Variants in GTF2F2 observed in about 807,000 individuals in gnomAD.
GTF2F2 encodes ATP-dependent helicase GTF2F2.
In GTF2F2, 23 loss-of-function variants were observed where a neutral mutation model predicts 42.2. The ratio of observed to expected loss-of-function variants is 0.55; its 90% confidence interval spans 0.39 to 0.77. GTF2F2 has a LOEUF of 0.77. Ranked by LOEUF, GTF2F2 falls within the 30% of genes least tolerant of loss-of-function variation. The pLI is 0.00. For missense variants in GTF2F2, 261 were observed against 287.2 expected, an observed-to-expected ratio of 0.91 and a Z score of 0.66; for synonymous variants, 105 against 100.8, an observed-to-expected ratio of 1.04 and a Z score of -0.25.
intron 4 of GTF2F2, among the ~76,000 whole-genome samples, chr13:45,197,597 C>G (rs1182480645): frequency 6.6e-6 from 1 of 151,760 alleles, no homozygotes; most frequent in African/African-American, 2.4e-5. Flanking sequence ...GACTGTAGTT[C>G]ATGGAAATTA....
chr13:45,194,350 G>A lies in GTF2F2; in HGVS notation c.305-13074G>A, dbSNP rs539182975. On this transcript the variant is annotated intron_variant, in intron 4 of 7. Coordinates refer to ENST00000340473, the MANE Select transcript of GTF2F2 (RefSeq NM_004128.3). Reference sequence around the variant, plus strand: ...CCTGTCTATGAAATAATGACCATCAGCATCAAACGGGCAGAGGATTTTTCC... The same window carrying A: ...CCTGTCTATGAAATAATGACCATCAACATCAAACGGGCAGAGGATTTTTCC... The A allele has an allele frequency of 2.2e-5, 36 of 1,614,086 alleles. No homozygotes were observed. In the South Asian group the frequency reaches 3.7e-4, roughly 17 times the overall value.
intron 4 of GTF2F2, chr13:45,194,639 G>A (rs541301933): frequency 1.5e-6 from 2 of 1,347,538 alleles, no homozygotes; most frequent in Non-Finnish European, 2.1e-6. Flanking sequence ...TACCACACAA[G>A]CACGCCTTTA....
At position 45,267,387 on chromosome 13, in the gene GTF2F2, G is replaced by A. The variant is rs780965333; in HGVS notation, c.630+11G>A. On this transcript the variant is annotated intron_variant, in intron 7 of 7. Transcript: ENST00000340473. Reference sequence around the variant, plus strand: ...ACAAAGCAACCTGTGGTATGTATATGTTCATACTGATCCTTTGAATATGCC... The same window carrying A: ...ACAAAGCAACCTGTGGTATGTATATATTCATACTGATCCTTTGAATATGCC... 2.6e-6 allele frequency: 4 copies of A among 1,550,916 alleles called. No homozygotes were observed. Among genetic ancestry groups the A allele is most frequent in the South Asian group, 2.3e-5 (2 of 85,238 alleles).
chr13:45,275,873 G>A (rs950764749), intron 7 of GTF2F2, among the ~76,000 whole-genome samples: 21 of 152,068 alleles, frequency 1.4e-4, no homozygotes, highest in African/African-American at 4.3e-4. Context: ...TTGAGGAATC[G>A]CCACACTGTC....
At chr13:45,275,609 A>T (rs1045835741) in intron 7 of GTF2F2, among the ~76,000 whole-genome samples, 1 of 151,868 alleles carries the variant, frequency 6.6e-6, no homozygotes, top group African/African-American at 2.4e-5. Flanking sequence ...AGCTTCATCC[A>T]TGTCCCTACA....
chr13:45,208,452 G>C (rs1026167033), intron 5 of GTF2F2, among the ~76,000 whole-genome samples: 2 of 151,830 alleles, frequency 1.3e-5, no homozygotes, highest in Non-Finnish European at 2.9e-5. Flanking sequence ...TACTTTTTTT[G>C]TTCATTCATT....
At position 45,125,241 on chromosome 13, in the gene GTF2F2, A is replaced by T. The variant is rs1868917855; in HGVS notation, c.66+4520A>T. Among the ~76,000 whole-genome samples, 9 of 152,208 alleles carry T rather than the reference A, an allele frequency of 5.9e-5. No individual in the cohort carries two copies. In the South Asian group the frequency reaches 1.9e-3, roughly 31 times the overall value. Reference sequence around the variant, plus strand: ...ATCTTGCCTAAGCATGGAAATAGTGATTCAAATTTGTTAGGCTAAAAGCTT... The same window carrying T: ...ATCTTGCCTAAGCATGGAAATAGTGTTTCAAATTTGTTAGGCTAAAAGCTT... On this transcript the variant is annotated intron_variant, in intron 1 of 7. Coordinates refer to ENST00000340473, the MANE Select transcript of GTF2F2 (RefSeq NM_004128.3).
chr13:45,193,297 T>C (rs1437776561), intron 4 of GTF2F2: 2 of 152,734 alleles, frequency 1.3e-5, no homozygotes, highest in African/African-American at 2.4e-5. Context: ...ACTATAGCTC[T>C]GTTTTAGTTA....
At chr13:45,228,385 G>A (rs929407539) in intron 5 of GTF2F2, among the ~76,000 whole-genome samples, 2 of 145,774 alleles carry the variant, frequency 1.4e-5, no homozygotes, top group African/African-American at 2.6e-5. Flanking sequence ...CATTCCAGAA[G>A]CTCTTTCATT....
chr13:45,176,850 G>T (rs544566230), intron 4 of GTF2F2, among the ~76,000 whole-genome samples: 39 of 152,022 alleles, frequency 2.6e-4, no homozygotes, highest in African/African-American at 9.4e-4. Context: ...CAGTGGTGCA[G>T]TCTTGGCTCA....
chr13:45,123,112 C>G (rs71431322), intron 1 of GTF2F2: 12 of 152,042 alleles, frequency 7.9e-5, no homozygotes, highest in Non-Finnish European at 1.6e-4. Context: ...TGTGATCTGT[C>G]TGGGACATCT....
chr13:45,163,221 G>A (rs764138742), intron 4 of GTF2F2, among the ~76,000 whole-genome samples: 6 of 152,084 alleles, frequency 3.9e-5, no homozygotes, highest in Non-Finnish European at 7.4e-5. Flanking sequence ...GTAGCTTCCA[G>A]TTTATAAAGT....
At chr13:45,143,571 TGTG>T (rs1870038944) in intron 2 of GTF2F2, among the ~76,000 whole-genome samples, 1 of 152,232 alleles carries the variant, frequency 6.6e-6, no homozygotes, top group Non-Finnish European at 1.5e-5. Flanking sequence ...TTGTGTCTAA[TGTG>T]GTGTGGGAGG....
chr13:45,223,508 A>G (rs1874205399), intron 5 of GTF2F2, among the ~76,000 whole-genome samples: 1 of 152,172 alleles, frequency 6.6e-6, no homozygotes, highest in East Asian at 1.9e-4. Context: ...CTTATTACAT[A>G]ATTATATTGA....
chr13:45,250,006 C>T (rs1212408785), intron 5 of GTF2F2, among the ~76,000 whole-genome samples: 2 of 150,242 alleles, frequency 1.3e-5, no homozygotes, highest in African/African-American at 4.9e-5. Flanking sequence ...TTTGACATAA[C>T]TTTCCTTGGA....
intron 4 of GTF2F2, among the ~76,000 whole-genome samples, chr13:45,182,805 A>T (rs1350080998): frequency 1.3e-5 from 2 of 152,148 alleles, no homozygotes; most frequent in Non-Finnish European, 2.9e-5. Context: ...GGCCTAGCTC[A>T]CAGAGGCTTC....
chr13:45,263,504 A>G (rs897868191), intron 6 of GTF2F2, among the ~76,000 whole-genome samples: 1 of 152,184 alleles, frequency 6.6e-6, no homozygotes, highest in African/African-American at 2.4e-5. Flanking sequence ...CTGGGATTAC[A>G]GGCGTGAGCC....
chr13:45,205,821 A>T (rs1049337836), intron 4 of GTF2F2, among the ~76,000 whole-genome samples: 2 of 152,050 alleles, frequency 1.3e-5, no homozygotes, highest in African/African-American at 4.8e-5. Flanking sequence ...GCCGACCTAG[A>T]TTTATTTTTT....
intron 1 of GTF2F2, among the ~76,000 whole-genome samples, chr13:45,127,026 C>T (rs1869043243): frequency 6.6e-6 from 1 of 152,128 alleles, no homozygotes; most frequent in Admixed American, 6.5e-5. Context: ...TGTTTTGGAG[C>T]CTTGAAACCA....
Sources: allele counts gnomAD v4.1 joint callset (sites outside exome capture counted in the v4.1 genomes callset), GRCh38; gene constraint gnomAD v4.1.1; transcripts MANE v1.5; gene names NCBI Gene and HGNC (gene_info 2026-07-23, HGNC 2026-07-21).